PINX1: variants seen among roughly 807,000 people sequenced by gnomAD.
PINX1 encodes PIN2 (TERF1) interacting telomerase inhibitor 1.
PINX1 carries 34 observed loss-of-function variants against 25.4 expected under a neutral mutation model. That is an observed-to-expected ratio of 1.34 (90% CI 1.02 to 1.78). The LOEUF is 1.78. PINX1 is among the 40% of genes most tolerant of loss of function. The probability of loss-of-function intolerance (pLI) is 0.00; values close to 1 mark genes in which losing one functional copy is unlikely to be tolerated. For synonymous variants in PINX1, 197 were observed against 147.7 expected, an observed-to-expected ratio of 1.33 and a Z score of -2.42; for missense variants, 592 against 404.9, an observed-to-expected ratio of 1.46 and a Z score of -3.97.
chr8:10,775,511 A>C (rs1320016693), intron 6 of PINX1, among the ~76,000 whole-genome samples: 1 of 151,358 alleles, frequency 6.6e-6, no homozygotes, highest in Non-Finnish European at 1.5e-5. Context: ...AAGTTAGCAG[A>C]AAAATGAAGT....
chr8:10,767,137 C>T (rs1295838185), intron 6 of PINX1, among the ~76,000 whole-genome samples: 9 of 152,168 alleles, frequency 5.9e-5, no homozygotes, highest in African/African-American at 9.7e-5. Context: ...GGGTGGGAAA[C>T]GGCTCCTGAA....
intron 6 of PINX1, among the ~76,000 whole-genome samples, chr8:10,810,250 CACT>C (rs1371316111): frequency 3.9e-5 from 6 of 152,328 alleles, no homozygotes; most frequent in African/African-American, 1.2e-4. Flanking sequence ...TCAGACAAGA[CACT>C]ACTGTTTCCT....
chr8:10,796,170 G>A (rs537095010), intron 6 of PINX1, among the ~76,000 whole-genome samples: 12 of 152,286 alleles, frequency 7.9e-5, no homozygotes, highest in Admixed American at 3.9e-4. Flanking sequence ...TCTGCTGAGT[G>A]CATGGAAGGA....
intron 6 of PINX1, among the ~76,000 whole-genome samples, chr8:10,767,097 G>C (rs780419915): frequency 2.8e-5 from 4 of 142,164 alleles, no homozygotes; most frequent in Non-Finnish European, 6.2e-5. Flanking sequence ...CACAAGAAGA[G>C]GCTGGGTGTT....
intron 1 of PINX1, among the ~76,000 whole-genome samples, chr8:10,838,286 G>T (rs6982048): frequency 0.17 from 26,499 of 152,104 alleles, 2,404 homozygotes; most frequent in Non-Finnish European, 0.2. Context: ...AGCAAATTAC[G>T]AAAAAGAAAA....
chr8:10,800,274 G>A (rs1434568149), intron 6 of PINX1, among the ~76,000 whole-genome samples: 1 of 152,140 alleles, frequency 6.6e-6, no homozygotes, highest in Non-Finnish European at 1.5e-5. Context: ...GAACTTGTCC[G>A]ACTTAAGAGT....
At chr8:10,780,241 C>A (rs1211034671) in intron 6 of PINX1, among the ~76,000 whole-genome samples, 1 of 152,100 alleles carries the variant, frequency 6.6e-6, no homozygotes, top group East Asian at 1.9e-4. Flanking sequence ...AATAGTACTT[C>A]CAGTACTATG....
At chr8:10,838,191 C>T (rs768198477) in intron 1 of PINX1, among the ~76,000 whole-genome samples, 3 of 152,244 alleles carry the variant, frequency 2.0e-5, no homozygotes, top group Non-Finnish European at 4.4e-5. Context: ...TTTGCTCAAT[C>T]AAACTCTGTA....
At chr8:10,774,484 TTGGTCAGGC>T (rs1192420069) in intron 6 of PINX1, among the ~76,000 whole-genome samples, 1 of 152,146 alleles carries the variant, frequency 6.6e-6, no homozygotes, top group African/African-American at 2.4e-5. Flanking sequence ...TTTCTCCATG[TTGGTCAGGC>T]TGGTCTCGAA....
chr8:10,777,096 G>A (rs926794661), intron 6 of PINX1, among the ~76,000 whole-genome samples: 2 of 152,128 alleles, frequency 1.3e-5, no homozygotes, highest in Non-Finnish European at 2.9e-5. Flanking sequence ...ATCCTTTCAG[G>A]CCGAACGTGT....
chr8:10,801,896 G>C (rs10097283), intron 6 of PINX1, among the ~76,000 whole-genome samples: 97,654 of 151,942 alleles, frequency 0.64, 32,741 homozygotes, highest in African/African-American at 0.83. Flanking sequence ...CCATGAGAGA[G>C]CTTGTCACAG....
intron 6 of PINX1, among the ~76,000 whole-genome samples, chr8:10,793,359 C>T (rs540018694): frequency 6.6e-6 from 1 of 152,292 alleles, no homozygotes; most frequent in Non-Finnish European, 1.5e-5. Flanking sequence ...CAGGGGTGTC[C>T]AATCTTTTGG....
chr8:10,784,202 A>G (rs1003080880), intron 6 of PINX1, among the ~76,000 whole-genome samples: 3 of 152,248 alleles, frequency 2.0e-5, no homozygotes, highest in African/African-American at 7.2e-5. Context: ...ACAGGGGATG[A>G]GAGTGAGGAG....
chr8:10,838,771 A>C (rs1413132874), intron 1 of PINX1, among the ~76,000 whole-genome samples: 2 of 152,240 alleles, frequency 1.3e-5, no homozygotes, highest in Non-Finnish European at 2.9e-5. Context: ...AAAGATACAG[A>C]GATAACTGGA....
intron 6 of PINX1, among the ~76,000 whole-genome samples, chr8:10,796,922 C>T (rs1337688070): frequency 2.6e-5 from 4 of 151,984 alleles, no homozygotes; most frequent in Non-Finnish European, 2.9e-5. Flanking sequence ...CCCCTCCTCC[C>T]AACCCAAACA....
Position 10,791,489 on chromosome 8 carries a change from G to A in PINX1, c.472-25573C>T, listed in dbSNP as rs541193483. 6.6e-5 allele frequency among the ~76,000 whole-genome samples: 10 copies of A among 152,182 alleles called. No homozygotes were observed. In the East Asian group the frequency reaches 1.4e-3, roughly 21 times the overall value. ...CGAGGGCTGAGGGGATCAACCCCTC[G>A]GACCACCAACAATCCACTTGTGGCA... is the stretch of plus-strand genomic sequence containing the variant. On this transcript the variant is annotated intron_variant, in intron 6 of 6. Transcript: ENST00000314787.
intron 6 of PINX1, among the ~76,000 whole-genome samples, chr8:10,801,047 G>A (rs984608362): frequency 6.6e-6 from 1 of 152,162 alleles, no homozygotes; most frequent in Admixed American, 6.5e-5. Flanking sequence ...TGGAGTAGAA[G>A]CTCTATATTT....
At chr8:10,772,101 A>T (rs928178607) in intron 6 of PINX1, among the ~76,000 whole-genome samples, 3 of 152,374 alleles carry the variant, frequency 2.0e-5, no homozygotes, top group South Asian at 2.1e-4. Context: ...AAGCAATGCC[A>T]GTAGAGACTG....
chr8:10,787,026 T>C (rs1801771380), intron 6 of PINX1, among the ~76,000 whole-genome samples: 1 of 152,220 alleles, frequency 6.6e-6, no homozygotes, highest in Non-Finnish European at 1.5e-5. Flanking sequence ...ACAAGTATTC[T>C]GGTTGTAAAA....
Sources: gnomAD v4.1 joint callset for allele counts (sites outside exome capture counted in the v4.1 genomes callset) on GRCh38, gnomAD v4.1.1 for gene constraint, MANE v1.5 for transcripts, NCBI Gene and HGNC (gene_info 2026-07-23, HGNC 2026-07-21) for gene names.